Variants in LYST observed in about 807,000 individuals in gnomAD.
LYST encodes lysosomal-trafficking regulator.
Under a neutral mutation model 413.6 loss-of-function variants are expected in LYST, and 192 were observed. That is an observed-to-expected ratio of 0.46 (90% CI 0.41 to 0.52). The LOEUF (loss-of-function observed/expected upper bound fraction) is 0.52, where lower values mean the gene tolerates loss of function less well. Among genes scored for constraint, LYST ranks in the 20% least tolerant of loss-of-function variants. The pLI is 0.00. For missense variants in LYST, 3,815 were observed against 4,499.9 expected, an observed-to-expected ratio of 0.85 and a Z score of 4.35; for synonymous variants, 1,525 against 1,567.3, an observed-to-expected ratio of 0.97 and a Z score of 0.64.
At chr1:235,687,252 ATGT>A (rs1299276316) in intron 47 of LYST, among the ~76,000 whole-genome samples, 2 of 152,196 alleles carry the variant, frequency 1.3e-5, no homozygotes, top group Non-Finnish European at 2.9e-5. Context: ...AAATGTCTAA[ATGT>A]TGTTTCCAAA....
At chr1:235,860,336 T>C (rs1423116923) in intron 1 of LYST, among the ~76,000 whole-genome samples, 2 of 152,190 alleles carry the variant, frequency 1.3e-5, no homozygotes, top group East Asian at 1.9e-4. Flanking sequence ...TCAATGAACC[T>C]ACACTGACAG....
At chr1:235,853,278 C>T (rs1349605584) in intron 1 of LYST, among the ~76,000 whole-genome samples, 1 of 152,092 alleles carries the variant, frequency 6.6e-6, no homozygotes, top group Admixed American at 6.5e-5. Flanking sequence ...TAAAGAGCAT[C>T]AGAAATTTCA....
At chr1:235,820,754 T>C (rs1376712640) in intron 3 of LYST, among the ~76,000 whole-genome samples, 2 of 152,210 alleles carry the variant, frequency 1.3e-5, no homozygotes, top group Admixed American at 6.5e-5. Flanking sequence ...CAGGAATATA[T>C]GTGTATGGAC....
At chr1:235,680,414 C>T (rs952900505) in intron 48 of LYST, among the ~76,000 whole-genome samples, 62 of 151,426 alleles carry the variant, frequency 4.1e-4, no homozygotes, top group Non-Finnish European at 6.3e-4. Context: ...ACTACCATGC[C>T]CAACTACTTT....
At chr1:235,678,043 AT>A (rs1235491699) in intron 48 of LYST, among the ~76,000 whole-genome samples, 1 of 152,084 alleles carries the variant, frequency 6.6e-6, no homozygotes, top group Non-Finnish European at 1.5e-5. Flanking sequence ...AATTGTTTCT[AT>A]TTTTTTCAAA....
intron 10 of LYST, among the ~76,000 whole-genome samples, chr1:235,799,744 C>T (rs1383039632): frequency 6.6e-6 from 1 of 152,002 alleles, no homozygotes; most frequent in Non-Finnish European, 1.5e-5. Context: ...GACTGGGTTA[C>T]AGTCCCCACT....
intron 50 of LYST, among the ~76,000 whole-genome samples, chr1:235,672,726 T>C (rs536471640): frequency 3.0e-4 from 46 of 152,212 alleles, no homozygotes; most frequent in Non-Finnish European, 4.7e-4. Flanking sequence ...GAAACTCGAT[T>C]ACCATGGACT....
chr1:235,802,872 G>A (rs370440637), intron 8 of LYST, 36 bp downstream of exon 8: 152 of 1,605,150 alleles, frequency 9.5e-5, no homozygotes, highest in Non-Finnish European at 1.2e-4. Flanking sequence ...GATCTGGCTT[G>A]CAGATCTAAT....
In LYST at chr1:235,806,037, A is replaced by C. The variant is rs1362358173; in HGVS notation, c.3099T>G (p.Thr1033=). The C allele has an allele frequency of 6.2e-7, 1 of 1,613,904 alleles. No homozygotes were observed. Among genetic ancestry groups the C allele is most frequent in the African/African-American group, 1.3e-5 (1 of 75,026 alleles). The change falls in exon 6 of 53, where the codon ACT becomes ACG. Residue 1033 remains threonine (T), a synonymous_variant. Coordinates refer to ENST00000389793, the MANE Select transcript of LYST (RefSeq NM_000081.4). ...CCAAAGATAATAAATCTTCCTTCAT[A>C]GTTCTCTTAGGTTGAGAAATTCTGT... ...DLNRISQPKR[T]MKEDLLSLAI... is the part of the protein sequence containing the mutation.
intron 4 of LYST, among the ~76,000 whole-genome samples, chr1:235,811,990 GAATTAAAATACAAT>G (rs1170253304): frequency 1.3e-5 from 2 of 151,646 alleles, no homozygotes; most frequent in Non-Finnish European, 2.9e-5. Flanking sequence ...AAAAATACAG[GAATTAAAATACAAT>G]AATTTTTTTT....
At chr1:235,687,905 A>G (rs181230360) in intron 47 of LYST, among the ~76,000 whole-genome samples, 20 of 152,296 alleles carry the variant, frequency 1.3e-4, no homozygotes, top group Admixed American at 2.0e-4. Context: ...TACAGTTTCA[A>G]GCTGTCTCTT....
At chr1:235,832,157 A>G (rs1361837158) in intron 2 of LYST, among the ~76,000 whole-genome samples, 1 of 152,218 alleles carries the variant, frequency 6.6e-6, no homozygotes, top group Non-Finnish European at 1.5e-5. Context: ...ACAACCAGGA[A>G]AACATTTAAA....
chr1:235,734,683 T>A (rs752830521), intron 31 of LYST, 24 bp from the exon 32 acceptor site: 1 of 1,521,816 alleles, frequency 6.6e-7, no homozygotes, highest in Non-Finnish European at 9.1e-7. Flanking sequence ...AATAATTTTT[T>A]AGTCATTTAG....
chr1:235,865,015 C>T (rs1680332421), intron 1 of LYST, among the ~76,000 whole-genome samples: 1 of 152,176 alleles, frequency 6.6e-6, no homozygotes, highest in Non-Finnish European at 1.5e-5. Flanking sequence ...CTTAAAAGGG[C>T]CTACAAGGCC....
intron 50 of LYST, among the ~76,000 whole-genome samples, chr1:235,667,782 C>G (rs1658614666): frequency 6.6e-6 from 1 of 152,182 alleles, no homozygotes; most frequent in African/African-American, 2.4e-5. Context: ...CCTGCCTCAG[C>G]CTCCTGGGTA....
At chr1:235,722,173 G>C (rs950703422) in intron 39 of LYST, among the ~76,000 whole-genome samples, 4 of 152,200 alleles carry the variant, frequency 2.6e-5, no homozygotes. Flanking sequence ...GGAGTAGACA[G>C]AGCGAGGGAG....
At chr1:235,741,676 A>T (rs1460884031) in intron 30 of LYST, 48 bp from the exon 31 acceptor site, 1 of 1,349,228 alleles carries the variant, frequency 7.4e-7, no homozygotes, top group South Asian at 1.2e-5. Context: ...CTGCTTAAGC[A>T]ATACCATGCT....
chr1:235,693,119 T>G (rs983783717), intron 47 of LYST, among the ~76,000 whole-genome samples: 1 of 151,984 alleles, frequency 6.6e-6, no homozygotes, highest in African/African-American at 2.4e-5. Context: ...ATCGAGACCA[T>G]CCTTGCTAAC....
chr1:235,714,880 T>C (rs980066791), intron 42 of LYST, among the ~76,000 whole-genome samples: 1 of 152,234 alleles, frequency 6.6e-6, no homozygotes, highest in African/African-American at 2.4e-5. Context: ...TTAGGTAGAA[T>C]GTCTTTAAAA....
Sources: gnomAD v4.1 joint callset for allele counts (sites outside exome capture counted in the v4.1 genomes callset) on GRCh38, gnomAD v4.1.1 for gene constraint, MANE v1.5 for transcripts, NCBI Gene and HGNC (gene_info 2026-07-23, HGNC 2026-07-21) for gene names.